The following TSPAN18 variants were observed in gnomAD, a reference collection of about 807,000 sequenced individuals.
TSPAN18 encodes tetraspanin 18.
A neutral mutation model predicts 27.3 loss-of-function variants in TSPAN18; 14 were observed. The observed-to-expected ratio is 0.51, with a 90% confidence interval of 0.34 to 0.80. The LOEUF (loss-of-function observed/expected upper bound fraction) is 0.80, where lower values mean the gene tolerates loss of function less well. Ranked by LOEUF, TSPAN18 falls within the 30% of genes least tolerant of loss-of-function variation. The probability of loss-of-function intolerance (pLI) is 0.01; values close to 1 mark genes in which losing one functional copy is unlikely to be tolerated. For synonymous variants in TSPAN18, 143 were observed against 136.5 expected, an observed-to-expected ratio of 1.05 and a Z score of -0.33; for missense variants, 268 against 323.9, an observed-to-expected ratio of 0.83 and a Z score of 1.32.
At chr11:44,802,321 G>C (rs1247949939) in intron 2 of TSPAN18, among the ~76,000 whole-genome samples, 1 of 151,908 alleles carries the variant, frequency 6.6e-6, no homozygotes, top group Non-Finnish European at 1.5e-5. Context: ...TGGTTGAGGT[G>C]GGTGGGGGGA....
chr11:44,861,793 T>TCA (rs56816197), intron 3 of TSPAN18, among the ~76,000 whole-genome samples: 20,437 of 131,786 alleles, frequency 0.16, 1,638 homozygotes, highest in Non-Finnish European at 0.19. Flanking sequence ...AGCCCAAATT[T>TCA]CACACACACA....
chr11:44,775,318 C>T (rs1855780509), intron 2 of TSPAN18, among the ~76,000 whole-genome samples: 1 of 152,158 alleles, frequency 6.6e-6, no homozygotes, highest in Non-Finnish European at 1.5e-5. Flanking sequence ...ATCTGGGAAC[C>T]CCGTACCTGG....
At chr11:44,789,546 T>C (rs1856141253) in intron 2 of TSPAN18, among the ~76,000 whole-genome samples, 1 of 152,162 alleles carries the variant, frequency 6.6e-6, no homozygotes, top group Admixed American at 6.6e-5. Context: ...TGAGGCTGGC[T>C]TTGGCAAGTA....
chr11:44,833,623 C>T (rs1027401325), intron 2 of TSPAN18, among the ~76,000 whole-genome samples: 70 of 152,126 alleles, frequency 4.6e-4, no homozygotes, highest in Non-Finnish European at 8.4e-4. Context: ...AGTCCATCTG[C>T]GGTGGCTAAA....
chr11:44,891,249 TC>T (rs1435271218), intron 3 of TSPAN18, among the ~76,000 whole-genome samples: 1 of 152,036 alleles, frequency 6.6e-6, no homozygotes, highest in Non-Finnish European at 1.5e-5. Flanking sequence ...TTAGGTGGGG[TC>T]CAGAGGCCTC....
chr11:44,907,139 A>C (rs1333359906), intron 4 of TSPAN18, among the ~76,000 whole-genome samples: 1 of 10,470 alleles, frequency 9.6e-5, no homozygotes, highest in Non-Finnish European at 9.3e-3. Context: ...CTGTATATGA[A>C]GGGACAGCCC....
intron 2 of TSPAN18, among the ~76,000 whole-genome samples, chr11:44,811,157 CA>C (rs1287152131): frequency 1.3e-5 from 2 of 151,156 alleles, no homozygotes; most frequent in Non-Finnish European, 3.0e-5. Context: ...CACACACACA[CA>C]CACACACACA....
At chr11:44,883,324 C>T (rs1261242145) in intron 3 of TSPAN18, among the ~76,000 whole-genome samples, 1 of 152,220 alleles carries the variant, frequency 6.6e-6, no homozygotes, top group Non-Finnish European at 1.5e-5. Context: ...AGAAATGGAG[C>T]TAGTGGCACC....
At chr11:44,870,770 C>A (rs1176117901) in intron 3 of TSPAN18, among the ~76,000 whole-genome samples, 3 of 152,198 alleles carry the variant, frequency 2.0e-5, no homozygotes, top group African/African-American at 7.2e-5. Context: ...TTATTTCAAA[C>A]ACATTGTTTA....
chr11:44,913,041 G>A (rs1281844412), intron 5 of TSPAN18, among the ~76,000 whole-genome samples: 4 of 152,320 alleles, frequency 2.6e-5, no homozygotes, highest in East Asian at 1.9e-4. Context: ...CTCCCTTCCC[G>A]GCTGAACCTG....
chr11:44,858,582 C>T (rs1253623884), intron 2 of TSPAN18, among the ~76,000 whole-genome samples: 6 of 152,194 alleles, frequency 3.9e-5, no homozygotes, highest in Admixed American at 3.9e-4. Flanking sequence ...CAGATGTCAC[C>T]TCCTTCTCAG....
intron 2 of TSPAN18, among the ~76,000 whole-genome samples, chr11:44,858,478 C>T (rs936293333): frequency 4.6e-5 from 7 of 152,334 alleles, no homozygotes; most frequent in African/African-American, 1.4e-4. Flanking sequence ...GATGGAGAAA[C>T]TGAGGCCCCA....
chr11:44,774,393 C>A (rs1271347102), intron 2 of TSPAN18, among the ~76,000 whole-genome samples: 2 of 152,232 alleles, frequency 1.3e-5, no homozygotes, highest in Non-Finnish European at 2.9e-5. Flanking sequence ...TTAGTAAATG[C>A]AGAGGAAGTG....
intron 1 of TSPAN18, among the ~76,000 whole-genome samples, chr11:44,751,645 C>T (rs1855212701): frequency 1.3e-5 from 2 of 152,104 alleles, no homozygotes; most frequent in African/African-American, 2.4e-5. Flanking sequence ...AAGGCTGGTG[C>T]AGTGGCTCAC....
At chr11:44,779,015 C>A (rs542406057) in intron 2 of TSPAN18, among the ~76,000 whole-genome samples, 1 of 152,268 alleles carries the variant, frequency 6.6e-6, no homozygotes, top group South Asian at 2.1e-4. Context: ...GAGCCACAGC[C>A]AGGACCCAGG....
intron 2 of TSPAN18, among the ~76,000 whole-genome samples, chr11:44,832,841 G>A (rs763118895): frequency 2.0e-5 from 3 of 152,028 alleles, no homozygotes; most frequent in Admixed American, 1.3e-4. Flanking sequence ...GGGAAACCTC[G>A]GTGGCTCTCC....
At chr11:44,915,524 C>A (rs985494042) in intron 5 of TSPAN18, among the ~76,000 whole-genome samples, 1 of 152,178 alleles carries the variant, frequency 6.6e-6, no homozygotes, top group Non-Finnish European at 1.5e-5. Context: ...GGAGGTCAGT[C>A]CCTTCTTCAG....
chr11:44,856,650 C>A (rs747383966), intron 2 of TSPAN18, among the ~76,000 whole-genome samples: 1 of 152,090 alleles, frequency 6.6e-6, no homozygotes, highest in African/African-American at 2.4e-5. Context: ...TCCTTGGTGC[C>A]CCTGGAATCC....
At chr11:44,908,056 G>GAAA (rs386373739) in intron 4 of TSPAN18, among the ~76,000 whole-genome samples, 1,987 of 124,936 alleles carry the variant, frequency 0.016, 69 homozygotes, top group African/African-American at 0.048. Context: ...CTCCGTCTCA[G>GAAA]AAAAAAAAAA....
Sources: allele counts gnomAD v4.1 joint callset (sites outside exome capture counted in the v4.1 genomes callset), GRCh38; gene constraint gnomAD v4.1.1; transcripts MANE v1.5; gene names NCBI Gene and HGNC (gene_info 2026-07-23, HGNC 2026-07-21).